GRIN2A: variants seen among roughly 807,000 people sequenced by gnomAD.
The protein encoded by GRIN2A is glutamate ionotropic receptor NMDA type subunit 2A, also known as glutamate receptor ionotropic, NMDA 2A.
A neutral mutation model predicts 113.4 loss-of-function variants in GRIN2A; 22 were observed. That is an observed-to-expected ratio of 0.19 (90% CI 0.14 to 0.28). The LOEUF is 0.28. GRIN2A is among the 10% of genes least tolerant of loss of function. The pLI is 1.00. For synonymous variants in GRIN2A, 827 were observed against 738.4 expected (o/e 1.12, Z -1.94); for missense variants, 1,502 against 1,887.0 (o/e 0.80, Z 3.78).
At chr16:10,112,513 T>TG (rs2142151181) in intron 2 of GRIN2A, 1 of 871,604 alleles carries the variant, frequency 1.1e-6, no homozygotes, top group East Asian at 2.4e-5. Context: ...CCCTGGCCCT[T>TG]GGAGCCTCCA....
intron 2 of GRIN2A, among the ~76,000 whole-genome samples, chr16:9,947,616 C>A (rs2045050698): frequency 1.3e-5 from 2 of 152,192 alleles, no homozygotes; most frequent in Non-Finnish European, 2.9e-5. Context: ...GCTCTGAATG[C>A]TCAAGTTCCA....
intron 2 of GRIN2A, among the ~76,000 whole-genome samples, chr16:9,943,788 G>A (rs1161831272): frequency 6.6e-6 from 1 of 152,150 alleles, no homozygotes; most frequent in African/African-American, 2.4e-5. Flanking sequence ...CTGCACATAT[G>A]AATCCCTTGA....
chr16:10,035,091 T>A (rs998168832), intron 2 of GRIN2A, among the ~76,000 whole-genome samples: 1 of 152,078 alleles, frequency 6.6e-6, no homozygotes, highest in African/African-American at 2.4e-5. Flanking sequence ...AGTGGCACCA[T>A]CACAACTCAC....
rs1168560589 is a variant in GRIN2A at position 9,753,698 on chromosome 16, T to A, written c.*9451A>T. The A allele has an allele frequency of 5.1e-6, 1 of 194,436 alleles. No individual in the cohort carries two copies. The highest frequency in any genetic ancestry group is 8.1e-5 in the East Asian group (1 of 12,346). The allele number at this position is 194,436 out of a possible 1,614,324, so 12.0% of individuals were successfully genotyped here. ...TGCTTGGAAATATTTAATACACTTA[T>A]TAGCACTTCCTCATGCAGTGGATTA... On this transcript the variant is annotated 3_prime_UTR_variant, in exon 13 of 13. Transcript: ENST00000330684.
chr16:10,004,704 C>T (rs1424153950), intron 2 of GRIN2A, among the ~76,000 whole-genome samples: 1 of 152,102 alleles, frequency 6.6e-6, no homozygotes, highest in Non-Finnish European at 1.5e-5. Flanking sequence ...TGTCATCTTC[C>T]CTGGTAGTAG....
At chr16:10,096,573 C>CACACACACACACAT (rs1555478915) in intron 2 of GRIN2A, among the ~76,000 whole-genome samples, 1 of 149,266 alleles carries the variant, frequency 6.7e-6, no homozygotes, top group African/African-American at 2.5e-5. Context: ...CACACACACA[C>CACACACACACACAT]TTTACTCTCT....
intron 2 of GRIN2A, among the ~76,000 whole-genome samples, chr16:10,009,213 A>G (rs1784534462): frequency 6.6e-6 from 1 of 152,260 alleles, no homozygotes; most frequent in Admixed American, 6.5e-5. Context: ...TCCTCCAGGA[A>G]GGAAGCTTAG....
chr16:10,065,438 T>C (rs1404645056), intron 2 of GRIN2A, among the ~76,000 whole-genome samples: 7 of 152,230 alleles, frequency 4.6e-5, no homozygotes, highest in African/African-American at 1.7e-4. Context: ...CAACTTCAGG[T>C]TAATTACACC....
chr16:9,912,341 G>A (rs1019482118), intron 3 of GRIN2A, among the ~76,000 whole-genome samples: 4 of 152,024 alleles, frequency 2.6e-5, no homozygotes, highest in Non-Finnish European at 4.4e-5. Context: ...TGATGATGAC[G>A]ATGATACCAA....
chr16:9,937,876 C>A (rs985183342), intron 3 of GRIN2A, 83 bp downstream of exon 3: 1 of 964,486 alleles, frequency 1.0e-6, no homozygotes, highest in Non-Finnish European at 1.7e-6. Context: ...GTGCGTATTT[C>A]CAACAATGAG....
In GRIN2A at chr16:9,938,900, G is replaced by A. The variant is rs61310651; in HGVS notation, c.415-349C>T. Among the ~76,000 whole-genome samples the A allele has an allele frequency of 6.4e-3, 976 of 152,184 alleles. 14 individuals carry two copies. Among genetic ancestry groups the A allele is most frequent in the African/African-American group, 0.022 (916 of 41,510 alleles). ...CTGACCCCCACCCCAGCTCATGACCGGAAAATCAAGCCACGGAAATAAAAC... is the reference window on the plus strand; with the variant it reads ...CTGACCCCCACCCCAGCTCATGACCAGAAAATCAAGCCACGGAAATAAAAC... On this transcript the variant is annotated intron_variant, in intron 2 of 12. Transcript: ENST00000330684.
intron 2 of GRIN2A, among the ~76,000 whole-genome samples, chr16:9,958,740 C>A (rs919715102): frequency 6.6e-5 from 10 of 152,136 alleles, no homozygotes; most frequent in African/African-American, 2.4e-4. Context: ...GAAATTAGAA[C>A]CTGAATAGCT....
intron 2 of GRIN2A, among the ~76,000 whole-genome samples, chr16:9,982,969 A>C (rs929493389): frequency 3.3e-5 from 5 of 152,190 alleles, no homozygotes; most frequent in African/African-American, 7.2e-5. Context: ...ATACATCATA[A>C]GTTCATACTG....
chr16:9,992,355 T>C (rs2046133927), intron 2 of GRIN2A, among the ~76,000 whole-genome samples: 1 of 152,162 alleles, frequency 6.6e-6, no homozygotes, highest in African/African-American at 2.4e-5. Context: ...TGTTCCCATG[T>C]GAAGATGGAA....
chr16:9,775,340 T>C (rs1901531861), intron 11 of GRIN2A, among the ~76,000 whole-genome samples: 1 of 152,244 alleles, frequency 6.6e-6, no homozygotes, highest in South Asian at 2.1e-4. Flanking sequence ...TGTTGCTTTT[T>C]GGTTTTCCGA....
intron 2 of GRIN2A, among the ~76,000 whole-genome samples, chr16:9,944,608 T>C (rs2044972261): frequency 1.3e-5 from 2 of 152,186 alleles, no homozygotes; most frequent in African/African-American, 2.4e-5. Context: ...ATCTGGATCG[T>C]ATGTGGTTGC....
Position 9,763,975 on chromosome 16 carries a change from T to A in GRIN2A, c.3569A>T (p.His1190Leu), listed in dbSNP as rs1396587099. ...NNDQYKLYSK[H>L]FTLKDKGSPH... Reference sequence around the variant, plus strand: ...GGAACCCTTGTCTTTCAAGGTGAAGTGCTTGGAGTAGAGTTTATACTGGTC... The same window carrying A: ...GGAACCCTTGTCTTTCAAGGTGAAGAGCTTGGAGTAGAGTTTATACTGGTC... The change falls in exon 13 of 13, where the codon CAC becomes CTC. Residue 1190 changes from histidine to leucine, a missense_variant. Coordinates refer to ENST00000330684, the MANE Select transcript of GRIN2A (RefSeq NM_001134407.3). 6.2e-7 allele frequency: 1 copy of A among 1,614,038 alleles called. No individual in the cohort carries two copies. The highest frequency in any genetic ancestry group is 1.3e-5 in the African/African-American group (1 of 74,940).
At chr16:10,035,973 C>T (rs1268029070) in intron 2 of GRIN2A, among the ~76,000 whole-genome samples, 1 of 152,214 alleles carries the variant, frequency 6.6e-6, no homozygotes, top group Non-Finnish European at 1.5e-5. Flanking sequence ...ATCCGCCTGC[C>T]TGGGCCTCCC....
At chr16:9,815,413 CAAAA>C (rs71157786) in intron 10 of GRIN2A, among the ~76,000 whole-genome samples, 40 of 111,902 alleles carry the variant, frequency 3.6e-4, no homozygotes, top group African/African-American at 1.2e-3. Context: ...TAACAACAAC[CAAAA>C]AAAAAAAAAA....
Sources: allele counts gnomAD v4.1 joint callset (sites outside exome capture counted in the v4.1 genomes callset), GRCh38; gene constraint gnomAD v4.1.1; transcripts MANE v1.5; gene names NCBI Gene and HGNC (gene_info 2026-07-23, HGNC 2026-07-21).